NEK11: variants seen among roughly 807,000 people sequenced by gnomAD.
The protein encoded by NEK11 is serine/threonine-protein kinase Nek11.
In NEK11, 72 loss-of-function variants were observed where a neutral mutation model predicts 80.7. That is an observed-to-expected ratio of 0.89 (90% CI 0.74 to 1.08). The LOEUF (loss-of-function observed/expected upper bound fraction) is 1.08. Ranked by LOEUF, NEK11 falls within the 50% of genes least tolerant of loss-of-function variation. The pLI is 0.00. For synonymous variants in NEK11, 251 were observed against 260.7 expected, an observed-to-expected ratio of 0.96 and a Z score of 0.36; for missense variants, 764 against 763.6, an observed-to-expected ratio of 1.00 and a Z score of -0.01.
chr3:131,248,240 G>A (rs2095638524), intron 16 of NEK11, among the ~76,000 whole-genome samples: 1 of 151,924 alleles, frequency 6.6e-6, no homozygotes, highest in Admixed American at 6.6e-5. Flanking sequence ...GTCATATATG[G>A]CCTTTATTAT....
intron 6 of NEK11, 95 bp from the exon 7 acceptor site, chr3:131,133,735 A>G: frequency 1.1e-6 from 1 of 884,548 alleles, no homozygotes; most frequent in Non-Finnish European, 1.8e-6. Flanking sequence ...ATTGCATAAT[A>G]AAATGGTCAA....
chr3:131,111,860 G>A (rs2080187691), intron 5 of NEK11, among the ~76,000 whole-genome samples: 1 of 152,176 alleles, frequency 6.6e-6, no homozygotes, highest in Admixed American at 6.5e-5. Context: ...TAAGCTCTAT[G>A]TAATGTTGTT....
intron 3 of NEK11, among the ~76,000 whole-genome samples, chr3:131,037,578 A>G (rs1394908390): frequency 6.6e-6 from 1 of 152,232 alleles, no homozygotes; most frequent in East Asian, 1.9e-4. Context: ...CACCATGCCC[A>G]GCAGGAATAA....
At chr3:131,233,924 G>T (rs1467775919) in intron 15 of NEK11, among the ~76,000 whole-genome samples, 1 of 152,220 alleles carries the variant, frequency 6.6e-6, no homozygotes, top group Non-Finnish European at 1.5e-5. Context: ...AGGAAATTAA[G>T]TTACATCTCC....
chr3:131,029,885 A>G lies in NEK11; in HGVS notation c.170+7A>G, dbSNP rs1480232362. 3 of 1,613,818 alleles carry G rather than the reference A, an allele frequency of 1.9e-6. No homozygotes were observed. Among genetic ancestry groups the G allele is most frequent in the Admixed American group, 1.7e-5 (1 of 60,014 alleles). ...CCAAACGAGGAGAGGAATTGTAAGT[A>G]AAAATGCTTCCTATGAATCTTGAGT... is the stretch of plus-strand genomic sequence containing the variant. On this transcript the variant is annotated splice_region_variant and intron_variant, in intron 3 of 17. Transcript: ENST00000383366.
intron 3 of NEK11, among the ~76,000 whole-genome samples, chr3:131,050,205 A>G (rs1339603669): frequency 1.3e-5 from 2 of 152,246 alleles, no homozygotes; most frequent in African/African-American, 4.8e-5. Flanking sequence ...TTACAACGAA[A>G]TAAAACCTAA....
At chr3:131,055,228 G>A (rs1188875879) in intron 3 of NEK11, among the ~76,000 whole-genome samples, 1 of 152,170 alleles carries the variant, frequency 6.6e-6, no homozygotes, top group East Asian at 1.9e-4. Flanking sequence ...GTAAAAATTA[G>A]GAAGTAGTGT....
intron 17 of NEK11, among the ~76,000 whole-genome samples, chr3:131,339,005 A>T (rs888407700): frequency 2.6e-5 from 4 of 152,026 alleles, no homozygotes; most frequent in African/African-American, 9.7e-5. Context: ...TCAATTTAAA[A>T]AATATATAAA....
chr3:131,246,318 T>C (rs1264726885), intron 16 of NEK11, among the ~76,000 whole-genome samples: 2 of 152,134 alleles, frequency 1.3e-5, no homozygotes, highest in Non-Finnish European at 2.9e-5. Flanking sequence ...TGTGTCCTCA[T>C]AGCTTAGCTC....
intron 17 of NEK11, among the ~76,000 whole-genome samples, chr3:131,336,927 A>G (rs563504950): frequency 5.1e-4 from 78 of 152,198 alleles, no homozygotes; most frequent in African/African-American, 1.9e-3. Flanking sequence ...ACCATCTCAC[A>G]CCAGTTAGAA....
intron 4 of NEK11, among the ~76,000 whole-genome samples, chr3:131,094,006 T>C (rs1400542834): frequency 1.3e-5 from 2 of 148,552 alleles, no homozygotes; most frequent in Admixed American, 6.8e-5. Flanking sequence ...CATTTGCTTC[T>C]GGAGAAAAGC....
At chr3:131,049,729 C>G (rs1202114107) in intron 3 of NEK11, among the ~76,000 whole-genome samples, 3 of 152,166 alleles carry the variant, frequency 2.0e-5, no homozygotes, top group Non-Finnish European at 4.4e-5. Context: ...TATATTGCCT[C>G]ATTTATAACA....
At chr3:131,098,758 T>C (rs1177787456) in intron 4 of NEK11, among the ~76,000 whole-genome samples, 2 of 152,160 alleles carry the variant, frequency 1.3e-5, no homozygotes, top group East Asian at 3.9e-4. Context: ...GTATTTTTCA[T>C]AGAGATGGGG....
chr3:131,027,983 C>G lies in NEK11; in HGVS notation c.-116C>G, dbSNP rs1388236357. 2 of 152,246 alleles carry G rather than the reference C, an allele frequency of 1.3e-5. No homozygotes were observed. The highest frequency in any genetic ancestry group is 1.3e-4 in the Admixed American group (2 of 15,302). The allele number at this position is 152,246 out of a possible 1,614,324, so 9.4% of individuals were successfully genotyped here. A position where few individuals can be genotyped will look rare whatever the true frequency, so the allele number is the denominator to read the frequency against. On this transcript the variant is annotated 5_prime_UTR_variant, in exon 2 of 18. Coordinates refer to ENST00000383366, the MANE Select transcript of NEK11 (RefSeq NM_024800.5). ...AGAATTACTGAGTGACCTGAAGGAC[C>G]CTTTTCAGCTGGAAAGTCTGTAAGT...
intron 11 of NEK11, among the ~76,000 whole-genome samples, chr3:131,164,619 A>T (rs551545915): frequency 1.9e-4 from 29 of 152,358 alleles, no homozygotes; most frequent in Admixed American, 1.2e-3. Flanking sequence ...CTGTTTTTTA[A>T]TACAAAGAAG....
intron 17 of NEK11, among the ~76,000 whole-genome samples, chr3:131,326,824 T>C (rs1413687111): frequency 6.6e-6 from 1 of 152,222 alleles, no homozygotes; most frequent in Admixed American, 6.5e-5. Flanking sequence ...AAAATTCATA[T>C]GGAAACTTAA....
At chr3:131,175,140 A>G in intron 14 of NEK11, 1 of 997,946 alleles carries the variant, frequency 1.0e-6, no homozygotes, top group Non-Finnish European at 1.2e-6. Flanking sequence ...CTAATTAAAT[A>G]TGTTATGTTT....
intron 10 of NEK11, among the ~76,000 whole-genome samples, chr3:131,158,529 A>T (rs1436074998): frequency 2.0e-5 from 3 of 152,132 alleles, no homozygotes; most frequent in African/African-American, 7.2e-5. Context: ...GGTGCAGAGA[A>T]CAGCGGACCC....
chr3:131,195,590 A>G (rs1037555695), intron 14 of NEK11, among the ~76,000 whole-genome samples: 1 of 151,948 alleles, frequency 6.6e-6, no homozygotes, highest in Non-Finnish European at 1.5e-5. Flanking sequence ...TTATTCTTAT[A>G]TTAGCACCCG....
Sources: allele counts gnomAD v4.1 joint callset (sites outside exome capture counted in the v4.1 genomes callset), GRCh38; gene constraint gnomAD v4.1.1; transcripts MANE v1.5; gene names NCBI Gene and HGNC (gene_info 2026-07-23, HGNC 2026-07-21).